Variants in RUFY4 observed in about 807,000 individuals in gnomAD.
The protein encoded by RUFY4 is RUN and FYVE domain-containing protein 4.
Under a neutral mutation model 69.0 loss-of-function variants are expected in RUFY4, and 73 were observed. The observed-to-expected ratio is 1.06, with a 90% CI of 0.88 to 1.29. The LOEUF is 1.29. Among genes scored for constraint, RUFY4 ranks in the 50% most tolerant of loss-of-function variants. RUFY4 has a pLI of 0.00. For synonymous variants in RUFY4, 287 were observed against 271.8 expected (o/e 1.06, Z -0.55); for missense variants, 770 against 705.6 (o/e 1.09, Z -1.03).
chr2:218,076,532 A>G (rs1238327011), exon 8 of RUFY4: 1 of 1,550,214 alleles, frequency 6.5e-7, no homozygotes, highest in Admixed American at 2.0e-5. Flanking sequence ...GCAGCTCAGC[A>G]GGTAACCTTG....
intron 10 of RUFY4, 49 bp downstream of exon 12, chr2:218,089,411 C>T (rs1207826933): frequency 2.6e-6 from 4 of 1,527,670 alleles, no homozygotes; most frequent in East Asian, 2.3e-5. Context: ...CCAGTTTCCA[C>T]CAGCTGACAG....
chr2:218,086,855 G>A (rs776679287), intron 9 of RUFY4, among the ~76,000 whole-genome samples: 9 of 152,074 alleles, frequency 5.9e-5, no homozygotes, highest in Non-Finnish European at 1.3e-4. Flanking sequence ...CCAGGAGGAA[G>A]GTTTCTGGAG....
exon 7 of RUFY4, chr2:218,075,572 G>A: frequency 6.5e-7 from 1 of 1,527,750 alleles, no homozygotes; most frequent in East Asian, 2.3e-5. Context: ...CAGTATCAGG[G>A]AGCAGGCAGG....
At chr2:218,070,777 G>A (rs968078809) in exon 2 of RUFY4, 1 of 1,537,244 alleles carries the variant, frequency 6.5e-7, no homozygotes. Context: ...ATCCTCCAGG[G>A]CTATGGGGAT....
In RUFY4 at chr2:218,083,401, A is replaced by G. The variant is rs1268451768; in HGVS notation, c.1502+145A>G. On this transcript the variant is annotated intron_variant, in intron 9 of 10. Transcript: ENST00000344321. ...ATAAGCTAACCCTTCTGTTTCTTTT[A>G]GCCACTCCCTGCTGTTATCCCCATT... 8.1e-6 allele frequency: 9 copies of G among 1,116,844 alleles called. No individual in the cohort carries two copies. In the Admixed American group the frequency reaches 1.9e-4, roughly 24 times the overall value. 69.2% of individuals were successfully genotyped at this position (1,116,844 alleles called of 1,614,324 possible).
intron 2 of RUFY4, among the ~76,000 whole-genome samples, chr2:218,046,675 T>C (rs915478009): frequency 2.0e-5 from 3 of 152,216 alleles, no homozygotes; most frequent in Non-Finnish European, 2.9e-5. Context: ...ATGAGACGTC[T>C]AGGAATTTTA....
chr2:218,075,067 T>A, intron 6 of RUFY4, 26 bp from the exon 9 acceptor site: 1 of 1,488,288 alleles, frequency 6.7e-7, no homozygotes, highest in South Asian at 1.4e-5. Flanking sequence ...CTGAGAGGGA[T>A]GACTGGTTTT....
chr2:218,049,063 G>T (rs913419146), intron 2 of RUFY4, among the ~76,000 whole-genome samples: 6 of 152,160 alleles, frequency 3.9e-5, no homozygotes, highest in African/African-American at 1.4e-4. Context: ...AAATCTACAT[G>T]GGGGAAGTTT....
At chr2:218,039,491 G>A (rs922941908) in intron 2 of RUFY4, among the ~76,000 whole-genome samples, 6 of 152,214 alleles carry the variant, frequency 3.9e-5, no homozygotes, top group Non-Finnish European at 8.8e-5. Context: ...AAAGATGAAT[G>A]GAAGAGGATT....
At chr2:218,040,611 G>C (rs963960786) in intron 2 of RUFY4, among the ~76,000 whole-genome samples, 8 of 152,300 alleles carry the variant, frequency 5.3e-5, no homozygotes, top group Non-Finnish European at 1.0e-4. Context: ...AGGTGAAGAG[G>C]AGGCCACAGC....
chr2:218,083,158 A>C (rs888151340), exon 9 of RUFY4: 5 of 1,613,562 alleles, frequency 3.1e-6, no homozygotes, highest in African/African-American at 1.3e-5. Flanking sequence ...AGCAGAAGCA[A>C]CAGGAGGCTG....
chr2:218,046,169 T>C (rs1688824107), intron 2 of RUFY4, among the ~76,000 whole-genome samples: 1 of 152,020 alleles, frequency 6.6e-6, no homozygotes, highest in Admixed American at 6.6e-5. Flanking sequence ...ACATCCATCA[T>C]CTCAAGTATT....
chr2:218,055,097 TAAG>T (rs891783834), intron 2 of RUFY4, among the ~76,000 whole-genome samples: 4 of 151,994 alleles, frequency 2.6e-5, no homozygotes, highest in Non-Finnish European at 5.9e-5. Context: ...AAAAAAATAA[TAAG>T]AAGAAGATAC....
exon 7 of RUFY4, chr2:218,075,707 G>A (rs1181109694): frequency 6.9e-7 from 1 of 1,454,786 alleles, no homozygotes; most frequent in Non-Finnish European, 9.1e-7. Flanking sequence ...GAAGGGAGGA[G>A]CAAGCCGAGG....
chr2:218,040,870 C>T (rs924642687), intron 2 of RUFY4, among the ~76,000 whole-genome samples: 2 of 151,914 alleles, frequency 1.3e-5, no homozygotes, highest in African/African-American at 4.8e-5. Context: ...TATAGGGGTA[C>T]GAGACCCCAC....
At chr2:218,073,421 G>A (rs1419207551) in intron 5 of RUFY4, 35 bp downstream of exon 7, 1 of 1,571,076 alleles carries the variant, frequency 6.4e-7, no homozygotes, top group Admixed American at 1.9e-5. Context: ...AGTCTCTTTT[G>A]ACACCTGGTC....
At chr2:218,057,943 T>G (rs1021561933) in intron 2 of RUFY4, among the ~76,000 whole-genome samples, 2 of 152,234 alleles carry the variant, frequency 1.3e-5, no homozygotes, top group Admixed American at 1.3e-4. Flanking sequence ...TAATCTCTGA[T>G]TTTTGTAAAT....
rs926914584 is a variant in RUFY4 at position 218,055,987 on chromosome 2, C to G, written c.-1157-2608C>G. Among the ~76,000 whole-genome samples the G allele has an allele frequency of 4.6e-5, 7 of 152,172 alleles. No homozygotes were observed. In the East Asian group the frequency reaches 1.3e-3, roughly 29 times the overall value. ...CTATAGGTAACTTGACAGAATCTGA[C>G]CTAAAAAAATCCTTCAGTCCACCTG... On this transcript the variant is annotated intron_variant and NMD_transcript_variant, in intron 2 of 13. Coordinates refer to the RUFY4 transcript ENST00000457754.
At position 218,060,359 on chromosome 2, in the gene RUFY4, G is replaced by A. The variant is rs1689152792; in HGVS notation, c.-1071+1678G>A. ...AGGTCTTAGAGAGTAGTGGAAGTGTGCCCTGAAGAAGAGCCAACAAAGGAA... is the reference window on the plus strand; with the variant it reads ...AGGTCTTAGAGAGTAGTGGAAGTGTACCCTGAAGAAGAGCCAACAAAGGAA... On this transcript the variant is annotated intron_variant and NMD_transcript_variant, in intron 3 of 13. Transcript: ENST00000457754. 6 of 1,543,750 alleles carry A rather than the reference G, an allele frequency of 3.9e-6. No individual in the cohort carries two copies. The South Asian group carries it at 7.6e-5, about 20-fold the overall frequency.
Sources: gnomAD v4.1 joint callset for allele counts (sites outside exome capture counted in the v4.1 genomes callset) on GRCh38, gnomAD v4.1.1 for gene constraint, MANE v1.5 for transcripts, NCBI Gene and HGNC (gene_info 2026-07-23, HGNC 2026-07-21) for gene names.